TF: variants seen among roughly 807,000 people sequenced by gnomAD.
TF encodes the protein transferrin.
In TF, 55 loss-of-function variants were observed where a neutral mutation model predicts 82.4. That is an observed-to-expected ratio of 0.67 (90% CI 0.54 to 0.84). The LOEUF is 0.84. TF is among the 40% of genes least tolerant of loss of function. The pLI, the probability that TF is intolerant of heterozygous loss-of-function variation, is 0.00. For synonymous variants in TF, 332 were observed against 332.6 expected, an observed-to-expected ratio of 1.00 and a Z score of 0.02; for missense variants, 737 against 868.4, an observed-to-expected ratio of 0.85 and a Z score of 1.90.
chr3:133,760,591 A>T (rs1465479625), intron 9 of TF: 1 of 152,280 alleles, frequency 6.6e-6, no homozygotes, highest in African/African-American at 2.4e-5. Flanking sequence ...TGTAAAAAAA[A>T]GGAAGAGCAA....
intron 3 of TF, among the ~76,000 whole-genome samples, chr3:133,754,279 T>G (rs891581043): frequency 6.6e-6 from 1 of 152,220 alleles, no homozygotes; most frequent in African/African-American, 2.4e-5. Context: ...TTCTTGCCCC[T>G]GTTTGCCTGG....
intron 2 of TF, among the ~76,000 whole-genome samples, chr3:133,749,594 G>C (rs557491559): frequency 6.6e-6 from 1 of 152,204 alleles, no homozygotes; most frequent in Non-Finnish European, 1.5e-5. Context: ...ATCTCTCTGA[G>C]AGAGATGTAA....
chr3:133,724,236 C>G, the TF span, among the ~76,000 whole-genome samples: 1 of 152,238 alleles, frequency 6.6e-6, no homozygotes, highest in Non-Finnish European at 1.5e-5. Flanking sequence ...GCCACACTGA[C>G]TTCCACAATG....
intron 13 of TF, among the ~76,000 whole-genome samples, chr3:133,768,377 G>A (rs1467698562): frequency 6.6e-6 from 1 of 152,318 alleles, no homozygotes. Context: ...AGAGACTTGT[G>A]TTTGGTACAG....
At chr3:133,733,055 A>G in the TF span, among the ~76,000 whole-genome samples, 1 of 152,214 alleles carries the variant, frequency 6.6e-6, no homozygotes, top group Non-Finnish European at 1.5e-5. Flanking sequence ...TACCAACGCT[A>G]TGTTCCTGCC....
the TF span, among the ~76,000 whole-genome samples, chr3:133,724,073 G>A: frequency 7.9e-5 from 12 of 152,178 alleles, no homozygotes; most frequent in African/African-American, 2.7e-4. Flanking sequence ...CATTTGGGTT[G>A]GTTCCAAGTC....
the TF span, among the ~76,000 whole-genome samples, chr3:133,738,341 C>A: frequency 6.6e-6 from 1 of 152,136 alleles, no homozygotes; most frequent in Non-Finnish European, 1.5e-5. Context: ...TTATGACAAA[C>A]CTACAGCCAA....
chr3:133,742,121 C>T (rs561320512), upstream of TF, among the ~76,000 whole-genome samples: 3 of 152,250 alleles, frequency 2.0e-5, no homozygotes, highest in South Asian at 6.2e-4. Flanking sequence ...GTAGCTGGCA[C>T]TACAGGTGCA....
chr3:133,723,605 A>G, the TF span, among the ~76,000 whole-genome samples: 1 of 143,782 alleles, frequency 7.0e-6, no homozygotes, highest in Non-Finnish European at 1.5e-5. Context: ...TATTCATTGA[A>G]TTTTTTCAGT....
At chr3:133,741,667 G>A (rs1933397622), upstream of TF, among the ~76,000 whole-genome samples, 1 of 152,198 alleles carries the variant, frequency 6.6e-6, no homozygotes, top group South Asian at 2.1e-4. Context: ...TTCCCATACT[G>A]AGTGATAGGG....
intron 15 of TF, among the ~76,000 whole-genome samples, chr3:133,776,245 CT>C (rs1223531095): frequency 3.3e-5 from 5 of 152,232 alleles, no homozygotes; most frequent in African/African-American, 1.2e-4. Flanking sequence ...AGACTGAGCA[CT>C]GTTCTCAACA....
chr3:133,714,555 G>A, the TF span, among the ~76,000 whole-genome samples: 1 of 152,116 alleles, frequency 6.6e-6, no homozygotes, highest in Non-Finnish European at 1.5e-5. Flanking sequence ...TTGGTGTTAG[G>A]CTTGATGGTC....
Position 133,784,471 on chromosome 3 carries a change from A to AAAAAAAAATAAT in TF, c.*5853_*5854insAAAAAATAATAA, listed in dbSNP as rs763086171. On this transcript the variant is annotated 3_prime_UTR_variant, in exon 17 of 17. Transcript: ENST00000402696. ...TCTTGTAAATTCCCATTTGTTAAAAAAATAATAATAATAATAATAATAATA... is the reference window on the plus strand; with the variant it reads ...TCTTGTAAATTCCCATTTGTTAAAAAAAAAAAAATAATAATAATAATAATAATAATAATAATA... The AAAAAAAAATAAT allele has an allele frequency of 9.5e-6, 1 of 105,602 alleles. No individual in the cohort carries two copies. Among genetic ancestry groups the AAAAAAAAATAAT allele is most frequent in the Admixed American group, 8.9e-5 (1 of 11,232 alleles). 6.5% of individuals were successfully genotyped at this position (105,602 alleles called of 1,614,324 possible). A position where few individuals can be genotyped will look rare whatever the true frequency, so the allele number is the denominator to read the frequency against.
Position 133,786,231 on chromosome 3 carries a change from A to AAAC in TF, c.*7613_*7614insCAA, listed in dbSNP as rs1934680179. On this transcript the variant is annotated 3_prime_UTR_variant, in exon 17 of 17. Coordinates refer to ENST00000402696, the MANE Select transcript of TF (RefSeq NM_001063.4). ...CAATAAAAAAATAAATTAAAAAAAAAAAAAAAAAACAATACTATTTTTTGA... is the reference window on the plus strand; with the variant it reads ...CAATAAAAAAATAAATTAAAAAAAAAAACAAAAAAAAACAATACTATTTTTTGA... 6.6e-6 allele frequency: 1 copy of AAAC among 150,970 alleles called. No homozygotes were observed. The highest frequency in any genetic ancestry group is 1.5e-5 in the Non-Finnish European group (1 of 67,844). 9.4% of individuals were successfully genotyped at this position (150,970 alleles called of 1,614,324 possible).
chr3:133,685,879 C>A, the TF span, among the ~76,000 whole-genome samples: 54 of 152,240 alleles, frequency 3.5e-4, no homozygotes, highest in Non-Finnish European at 6.2e-4. Flanking sequence ...CAAAAAAGCC[C>A]ATATTGCCAA....
the TF span, among the ~76,000 whole-genome samples, chr3:133,692,595 T>G: frequency 1.3e-5 from 2 of 152,144 alleles, no homozygotes; most frequent in Non-Finnish European, 2.9e-5. Context: ...TTTATTGCCT[T>G]GAAAAGGGAT....
chr3:133,729,559 G>C, the TF span, among the ~76,000 whole-genome samples: 1 of 152,202 alleles, frequency 6.6e-6, no homozygotes, highest in Non-Finnish European at 1.5e-5. Context: ...GGTGCTGTCT[G>C]TCACCCCTTT....
the TF span, among the ~76,000 whole-genome samples, chr3:133,665,492 AAAG>A: frequency 2.0e-5 from 3 of 151,878 alleles, no homozygotes; most frequent in African/African-American, 4.8e-5. Flanking sequence ...GAAAAAAGAA[AAAG>A]AAAAAAAAAT....
chr3:133,732,520 C>G, the TF span, among the ~76,000 whole-genome samples: 1 of 152,196 alleles, frequency 6.6e-6, no homozygotes, highest in Non-Finnish European at 1.5e-5. Flanking sequence ...GCAACCCACT[C>G]CGGTTCCTTT....
Sources: gnomAD v4.1 joint callset for allele counts (sites outside exome capture counted in the v4.1 genomes callset) on GRCh38, gnomAD v4.1.1 for gene constraint, MANE v1.5 for transcripts, NCBI Gene and HGNC (gene_info 2026-07-23, HGNC 2026-07-21) for gene names.